Variants in GRIP1 observed in about 807,000 individuals in gnomAD.
GRIP1 encodes the protein glutamate receptor-interacting protein 1.
GRIP1 carries 45 observed loss-of-function variants against 129.9 expected under a neutral mutation model. That is an observed-to-expected ratio of 0.35 (90% CI 0.27 to 0.44). The LOEUF (loss-of-function observed/expected upper bound fraction) is 0.44, where lower values mean the gene tolerates loss of function less well. GRIP1 is among the 20% of genes least tolerant of loss of function. GRIP1 has a pLI of 1.00. For synonymous variants in GRIP1, 530 were observed against 520.8 expected, an observed-to-expected ratio of 1.02 and a Z score of -0.24; for missense variants, 1,196 against 1,396.8, an observed-to-expected ratio of 0.86 and a Z score of 2.29.
intron 1 of GRIP1, among the ~76,000 whole-genome samples, chr12:66,701,114 G>A (rs576369453): frequency 3.3e-5 from 5 of 152,210 alleles, no homozygotes; most frequent in South Asian, 2.1e-4. Flanking sequence ...TCCAAAACCC[G>A]TGCAACTAAT....
chr12:66,767,350 A>C (rs1301228717), intron 1 of GRIP1, among the ~76,000 whole-genome samples: 2 of 152,194 alleles, frequency 1.3e-5, no homozygotes, highest in African/African-American at 2.4e-5. Context: ...CAAAAGAAGC[A>C]TCTAAGGACA....
chr12:66,897,082 T>C (rs1049616536), intron 1 of GRIP1, among the ~76,000 whole-genome samples: 3 of 152,190 alleles, frequency 2.0e-5, no homozygotes, highest in African/African-American at 4.8e-5. Context: ...TTATATTTGC[T>C]GTGATTCCAT....
chr12:66,663,738 A>C (rs1253276244), intron 1 of GRIP1, among the ~76,000 whole-genome samples: 2 of 152,218 alleles, frequency 1.3e-5, no homozygotes, highest in Non-Finnish European at 2.9e-5. Flanking sequence ...TGAACTCTAA[A>C]GCGTGTGTGT....
chr12:66,871,280 T>C (rs959498881), intron 1 of GRIP1, among the ~76,000 whole-genome samples: 2 of 152,146 alleles, frequency 1.3e-5, no homozygotes, highest in East Asian at 1.9e-4. Flanking sequence ...TACGTGATAA[T>C]TGTTTTAGAA....
intron 1 of GRIP1, among the ~76,000 whole-genome samples, chr12:66,728,710 C>T (rs2036334199): frequency 6.6e-6 from 1 of 152,120 alleles, no homozygotes; most frequent in African/African-American, 2.4e-5. Context: ...AGAGTGTAAC[C>T]TATAGGCAAG....
intron 1 of GRIP1, among the ~76,000 whole-genome samples, chr12:66,903,241 GTTGTT>G (rs1345346065): frequency 6.6e-6 from 1 of 151,226 alleles, no homozygotes; most frequent in African/African-American, 2.4e-5. Context: ...GACAATTCTA[GTTGTT>G]TTAATTATTC....
In GRIP1 at chr12:67,060,493, A is replaced by G. The variant is rs1447170156; in HGVS notation, c.58+8557T>C. ...AAGCATCAGCAGTTTACATGTAGTTATATGTTAGTACATATTTAAGTAGTA... is the reference window on the plus strand; with the variant it reads ...AAGCATCAGCAGTTTACATGTAGTTGTATGTTAGTACATATTTAAGTAGTA... On this transcript the variant is annotated intron_variant, in intron 1 of 1. Coordinates refer to the GRIP1 transcript ENST00000643019. Among the ~76,000 whole-genome samples, 5 of 152,282 alleles carry G rather than the reference A, an allele frequency of 3.3e-5. No individual in the cohort carries two copies. In the East Asian group the frequency reaches 7.7e-4, roughly 24 times the overall value.
At chr12:66,684,145 A>C (rs981275153), upstream of GRIP1, among the ~76,000 whole-genome samples, 1 of 152,200 alleles carries the variant, frequency 6.6e-6, no homozygotes, top group Non-Finnish European at 1.5e-5. Context: ...AGCTTTTATT[A>C]GCCACTTTGT....
intron 1 of GRIP1, among the ~76,000 whole-genome samples, chr12:66,787,383 C>T (rs573940802): frequency 1.3e-5 from 2 of 152,242 alleles, no homozygotes; most frequent in South Asian, 2.1e-4. Context: ...GAATTCTCTT[C>T]CCATTTCTGC....
At chr12:66,685,672 C>T (rs910028926) in intron 1 of GRIP1, among the ~76,000 whole-genome samples, 7 of 152,158 alleles carry the variant, frequency 4.6e-5, no homozygotes, top group African/African-American at 1.7e-4. Context: ...GTGCGCACAG[C>T]AGCTAGGTTA....
At chr12:66,991,325 G>A (rs547732093) in intron 1 of GRIP1, among the ~76,000 whole-genome samples, 81 of 152,136 alleles carry the variant, frequency 5.3e-4, no homozygotes, top group Admixed American at 9.8e-4. Flanking sequence ...CTCAAGTTAT[G>A]TAAACTCAAC....
chr12:66,415,736 G>A (rs909562731), intron 15 of GRIP1, among the ~76,000 whole-genome samples: 12 of 152,152 alleles, frequency 7.9e-5, no homozygotes, highest in Non-Finnish European at 1.8e-4. Context: ...ATACTATGCA[G>A]CCATAAAAAG....
intron 1 of GRIP1, among the ~76,000 whole-genome samples, chr12:66,974,739 T>C (rs1480076802): frequency 6.6e-6 from 1 of 152,228 alleles, no homozygotes; most frequent in East Asian, 1.9e-4. Context: ...ATTTTCCTTA[T>C]GATAAATTCT....
intron 1 of GRIP1, among the ~76,000 whole-genome samples, chr12:67,033,571 T>C (rs1413786117): frequency 6.6e-6 from 1 of 152,096 alleles, no homozygotes; most frequent in Non-Finnish European, 1.5e-5. Flanking sequence ...TTCTAACCCC[T>C]TCACTCTCCA....
At chr12:66,399,056 C>A (rs1034527524) in intron 16 of GRIP1, among the ~76,000 whole-genome samples, 2 of 151,898 alleles carry the variant, frequency 1.3e-5, no homozygotes, top group Admixed American at 6.5e-5. Context: ...GCTGAGATCT[C>A]CAGAAGAGTA....
intron 22 of GRIP1, among the ~76,000 whole-genome samples, chr12:66,373,398 A>G (rs2055626087): frequency 6.6e-6 from 1 of 152,150 alleles, no homozygotes; most frequent in African/African-American, 2.4e-5. Context: ...CATTCCTCCC[A>G]ACTTATAGGT....
Position 66,809,273 on chromosome 12 carries a change from C to A in GRIP1, c.59-212346G>T, listed in dbSNP as rs180818018. Among the ~76,000 whole-genome samples, 416 of 152,292 alleles carry A rather than the reference C, an allele frequency of 2.7e-3. 4 individuals carry two copies. Among genetic ancestry groups the A allele is most frequent in the African/African-American group, 9.7e-3 (403 of 41,572 alleles). ...TTGAGATTAAATCTTCAATTTATAACCTTTCCTAGATCAGCGATTAGGGGG... is the reference window on the plus strand; with the variant it reads ...TTGAGATTAAATCTTCAATTTATAAACTTTCCTAGATCAGCGATTAGGGGG... On this transcript the variant is annotated intron_variant, in intron 1 of 1. Transcript: ENST00000643019.
intron 1 of GRIP1, among the ~76,000 whole-genome samples, chr12:66,940,623 A>G (rs1215899241): frequency 6.6e-6 from 1 of 152,242 alleles, no homozygotes; most frequent in Non-Finnish European, 1.5e-5. Context: ...TAACTACTTG[A>G]GGATTTTCTA....
intron 1 of GRIP1, among the ~76,000 whole-genome samples, chr12:66,840,886 C>T (rs1394949011): frequency 6.6e-6 from 1 of 152,106 alleles, no homozygotes; most frequent in Admixed American, 6.6e-5. Flanking sequence ...GGTCACTCAG[C>T]TACTATTTTC....
Sources: gnomAD v4.1 joint callset for allele counts (sites outside exome capture counted in the v4.1 genomes callset) on GRCh38, gnomAD v4.1.1 for gene constraint, MANE v1.5 for transcripts, NCBI Gene and HGNC (gene_info 2026-07-23, HGNC 2026-07-21) for gene names.